Variants in TERB2 observed in about 807,000 individuals in gnomAD.
TERB2 encodes the protein telomere repeat binding bouquet formation protein 2, also known as telomere repeats-binding bouquet formation protein 2.
A neutral mutation model predicts 29.8 loss-of-function variants in TERB2; 26 were observed. The observed-to-expected ratio is 0.87, with a 90% CI of 0.64 to 1.21. TERB2 has a LOEUF of 1.21. Among genes scored for constraint, TERB2 ranks in the 50% most tolerant of loss-of-function variants. TERB2 has a pLI of 0.00. For missense variants in TERB2, 240 were observed against 268.6 expected (o/e 0.89, Z 0.74); for synonymous variants, 80 against 90.8 (o/e 0.88, Z 0.68).
intron 5 of TERB2, among the ~76,000 whole-genome samples, chr15:44,968,245 T>G (rs1891916481): frequency 6.6e-6 from 1 of 151,992 alleles, no homozygotes; most frequent in African/African-American, 2.4e-5. Flanking sequence ...AGACAGAATC[T>G]TAGTCTGTTG....
At chr15:44,971,923 G>A (rs1891976975) in intron 5 of TERB2, among the ~76,000 whole-genome samples, 1 of 137,266 alleles carries the variant, frequency 7.3e-6, no homozygotes, top group Non-Finnish European at 1.5e-5. Flanking sequence ...TGCTTTATTT[G>A]TAGGACCTCA....
chr15:44,958,664 T>G, intron 3 of TERB2, 152 bp downstream of exon 3: 1 of 785,020 alleles, frequency 1.3e-6, no homozygotes, highest in Non-Finnish European at 2.0e-6. Flanking sequence ...GCATGGACTT[T>G]GGATCAGATT....
intron 5 of TERB2, among the ~76,000 whole-genome samples, chr15:44,968,584 CTTTTTTTTTTTTTTTT>C (rs34188520): frequency 2.0e-5 from 2 of 98,502 alleles, no homozygotes; most frequent in East Asian, 3.3e-4. Flanking sequence ...TTTGTTTAAC[CTTTTTTTTTTTTTTTT>C]TTTTTTTTTT....
rs1248325306 is a variant in TERB2, at chr15:44,961,215, T to TAC, written c.287-292_287-291dup. Among the ~76,000 whole-genome samples, 165 of 132,794 alleles carry TAC rather than the reference T, an allele frequency of 1.2e-3. 1 individual carries two copies. The highest frequency in any genetic ancestry group is 2.6e-3 in the South Asian group (11 of 4,306). The allele number at this position is 132,794 out of a possible 152,430, so 87.1% of individuals were successfully genotyped here. ...TGATATATATATATATATATATATA[T>TAC]ACACACACACACACACATCTAATGT... On this transcript the variant is annotated intron_variant, in intron 3 of 6. Coordinates refer to ENST00000340827, the MANE Select transcript of TERB2 (RefSeq NM_152448.3).
intron 5 of TERB2, among the ~76,000 whole-genome samples, chr15:44,967,864 T>C (rs1226326473): frequency 8.9e-6 from 1 of 112,416 alleles, no homozygotes; most frequent in African/African-American, 3.6e-5. Context: ...ATGTAATTTA[T>C]ATAATTTTTT....
At chr15:44,967,692 A>C (rs1891910580) in intron 5 of TERB2, among the ~76,000 whole-genome samples, 1 of 147,792 alleles carries the variant, frequency 6.8e-6, no homozygotes, top group Admixed American at 6.8e-5. Context: ...CTCACAGAGC[A>C]GTCAAAGCCC....
chr15:44,965,562 T>C (rs1465436760), intron 4 of TERB2, among the ~76,000 whole-genome samples: 2 of 144,408 alleles, frequency 1.4e-5, no homozygotes, highest in African/African-American at 2.5e-5. Flanking sequence ...TATTTATATA[T>C]CTATATATTA....
intron 4 of TERB2, among the ~76,000 whole-genome samples, chr15:44,964,240 A>G (rs540588832): frequency 6.6e-6 from 1 of 152,234 alleles, no homozygotes; most frequent in African/African-American, 2.4e-5. Context: ...GAAAACCTTT[A>G]CATTATGTCC....
intron 4 of TERB2, among the ~76,000 whole-genome samples, chr15:44,965,342 AGTGAAGCAAATACTTCACT>A (rs2141241477): frequency 6.7e-6 from 1 of 148,224 alleles, no homozygotes; most frequent in Non-Finnish European, 1.5e-5. Flanking sequence ...TTACGTATAT[AGTGAAGCAAATACTTCACT>A]GTCCTTTTGA....
At chr15:44,969,778 A>G (rs1202215139) in intron 5 of TERB2, among the ~76,000 whole-genome samples, 1 of 149,846 alleles carries the variant, frequency 6.7e-6, no homozygotes, top group Non-Finnish European at 1.5e-5. Context: ...AACCAAGGTG[A>G]AAGAGTGAGG....
chr15:44,961,630 T>A (rs765973084), intron 4 of TERB2, 46 bp downstream of exon 4: 1 of 1,343,292 alleles, frequency 7.4e-7, no homozygotes, highest in African/African-American at 1.5e-5. Context: ...AGCTTCAACA[T>A]TTTCTGAAAG....
intron 4 of TERB2, among the ~76,000 whole-genome samples, chr15:44,964,003 G>T (rs926981087): frequency 2.0e-5 from 3 of 151,808 alleles, no homozygotes; most frequent in Non-Finnish European, 4.4e-5. Context: ...TAGAGACGGG[G>T]TTTCACCATG....
chr15:44,968,731 T>C (rs7165977), intron 5 of TERB2, among the ~76,000 whole-genome samples: 38,027 of 151,094 alleles, frequency 0.25, 6,600 homozygotes, highest in African/African-American at 0.48. Context: ...CCCAGAATGC[T>C]GCTAGGATTA....
chr15:44,971,700 A>G (rs188864997), intron 5 of TERB2, among the ~76,000 whole-genome samples: 134 of 152,156 alleles, frequency 8.8e-4, no homozygotes, highest in African/African-American at 3.1e-3. Context: ...AGCTTGCAGT[A>G]AGCCAAGACC....
intron 4 of TERB2, among the ~76,000 whole-genome samples, chr15:44,964,851 T>G (rs2470468): frequency 1.1e-3 from 172 of 152,168 alleles, no homozygotes; most frequent in Middle Eastern, 3.4e-3. Context: ...ATTTAAGTTT[T>G]TATTTAAATA....
Position 44,967,428 on chromosome 15 carries a change from A to G in TERB2, c.434+1185A>G, listed in dbSNP as rs184101659. ...CTAGAGTAATCAGTCTAAAGCATTTATTGAGGGAACTTGCAGAGTATCGCA... is the reference window on the plus strand; with the variant it reads ...CTAGAGTAATCAGTCTAAAGCATTTGTTGAGGGAACTTGCAGAGTATCGCA... On this transcript the variant is annotated intron_variant, in intron 5 of 6. Transcript: ENST00000340827. Among the ~76,000 whole-genome samples the G allele has an allele frequency of 2.2e-3, 337 of 152,340 alleles. 2 individuals carry two copies. Among genetic ancestry groups the G allele is most frequent in the African/African-American group, 7.8e-3 (323 of 41,572 alleles).
chr15:44,965,193 AGGAAAAAAAAGAAAC>A (rs1891866330), intron 4 of TERB2, among the ~76,000 whole-genome samples: 1 of 146,128 alleles, frequency 6.8e-6, no homozygotes, highest in African/African-American at 2.5e-5. Context: ...AAAAAAGAAA[AGGAAAAAAAAGAAAC>A]TTCTTACTGG....
chr15:44,965,449 T>G (rs2048320750), intron 4 of TERB2, among the ~76,000 whole-genome samples: 1 of 143,724 alleles, frequency 7.0e-6, no homozygotes. Context: ...TATAAATATA[T>G]ATTTATAAAG....
intron 5 of TERB2, among the ~76,000 whole-genome samples, chr15:44,971,981 C>CTTTTT (rs71111900): frequency 4.8e-4 from 32 of 66,354 alleles, no homozygotes; most frequent in Admixed American, 6.3e-4. Context: ...GAAATAGAAG[C>CTTTTT]TTTTTTTTTT....
Sources: allele counts gnomAD v4.1 joint callset (sites outside exome capture counted in the v4.1 genomes callset), GRCh38; gene constraint gnomAD v4.1.1; transcripts MANE v1.5; gene names NCBI Gene and HGNC (gene_info 2026-07-23, HGNC 2026-07-21).